Variants in GLS observed in about 807,000 individuals in gnomAD.
GLS encodes the protein glutaminase kidney isoform, mitochondrial.
GLS carries 36 observed loss-of-function variants against 86.7 expected under a neutral mutation model. The ratio of observed to expected loss-of-function variants is 0.42; its 90% CI spans 0.32 to 0.55. The LOEUF (loss-of-function observed/expected upper bound fraction) is 0.55, where lower values mean the gene tolerates loss of function less well. GLS is among the 20% of genes least tolerant of loss of function. The pLI, the probability that GLS is intolerant of heterozygous loss-of-function variation, is 0.17. For missense variants in GLS, 528 were observed against 833.4 expected (o/e 0.63, Z 4.51); for synonymous variants, 317 against 305.9 (o/e 1.04, Z -0.38).
intron 7 of GLS, among the ~76,000 whole-genome samples, chr2:190,912,732 G>A (rs1558977618): frequency 6.6e-6 from 1 of 152,106 alleles, no homozygotes; most frequent in Admixed American, 6.6e-5. Context: ...CATATTTAAC[G>A]TAGGTGTTTG....
chr2:190,925,750 A>G (rs1253618089), intron 11 of GLS, among the ~76,000 whole-genome samples: 1 of 152,144 alleles, frequency 6.6e-6, no homozygotes, highest in African/African-American at 2.4e-5. Context: ...AATGTGAAAA[A>G]CCGTAAATTG....
rs1467241644 is a variant in GLS, at chr2:190,897,359, A to G, written c.605+1634A>G. ...TGTTGTTATGTTTAAATATGAAATT[A>G]AAAACAATTTAAATCCTCTGATTAT... On this transcript the variant is annotated intron_variant, in intron 3 of 17. Transcript: ENST00000320717. The surrounding 1 kb of genome is among the most constrained non-coding windows in gnomAD (Gnocchi z 4.3). Among the ~76,000 whole-genome samples the G allele has an allele frequency of 2.0e-5, 3 of 152,238 alleles. No homozygotes were observed. The highest frequency in any genetic ancestry group is 1.3e-4 in the Admixed American group (2 of 15,282).
In GLS at chr2:190,947,681, T is replaced by G. The variant is rs1341350092; in HGVS notation, c.1651-5884T>G. Among the ~76,000 whole-genome samples the G allele has an allele frequency of 2.0e-5, 3 of 152,246 alleles. No homozygotes were observed. On this transcript the variant is annotated intron_variant, in intron 14 of 17. Transcript: ENST00000320717. The surrounding 1 kb of genome is among the most constrained non-coding windows in gnomAD (Gnocchi z 5.0). ...TCTGGCATTTACTGTTAACCCATTA[T>G]TTTCTGGACTTTGGCCTCCTTGACA...
At position 190,956,085 on chromosome 2, in the gene GLS, G is replaced by A. The variant is rs1426045485; in HGVS notation, c.1853+1267G>A. Among the ~76,000 whole-genome samples the A allele has an allele frequency of 6.6e-6, 1 of 152,190 alleles. No homozygotes were observed. The highest frequency in any genetic ancestry group is 2.1e-4 in the South Asian group (1 of 4,830). ...ATTCTGTAGGTTGCCTGTTCGCCCTGATGATAGTTTCTTTTGCTGTGCAGA... is the reference window on the plus strand; with the variant it reads ...ATTCTGTAGGTTGCCTGTTCGCCCTAATGATAGTTTCTTTTGCTGTGCAGA... On this transcript the variant is annotated intron_variant, in intron 17 of 17. Coordinates refer to ENST00000320717, the MANE Select transcript of GLS (RefSeq NM_014905.5). This position sits in a 1 kb window ranked among gnomAD's most constrained non-coding sequence, Gnocchi z 4.2.
Position 190,938,039 on chromosome 2 carries a change from C to A in GLS, c.1650+6402C>A, listed in dbSNP as rs1330403513. Among the ~76,000 whole-genome samples, 26 of 151,198 alleles carry A rather than the reference C, an allele frequency of 1.7e-4. No individual in the cohort carries two copies. Among genetic ancestry groups the A allele is most frequent in the Non-Finnish European group, 7.4e-5 (5 of 67,368 alleles). On this transcript the variant is annotated intron_variant, in intron 14 of 17. Coordinates refer to ENST00000320717, the MANE Select transcript of GLS (RefSeq NM_014905.5). The surrounding 1 kb of genome is among the most constrained non-coding windows in gnomAD (Gnocchi z 4.1). ...TTACTATACATTTAACTCTAAATCTCATTTACTAATTATGGAATTTTTTTA... is the reference window on the plus strand; with the variant it reads ...TTACTATACATTTAACTCTAAATCTAATTTACTAATTATGGAATTTTTTTA...
At position 190,954,964 on chromosome 2, in the gene GLS, G is replaced by T. The variant is rs1016587865; in HGVS notation, c.1853+146G>T. 1.6e-6 allele frequency: 1 copy of T among 607,250 alleles called. No individual in the cohort carries two copies. 37.6% of individuals were successfully genotyped at this position (607,250 alleles called of 1,614,324 possible). A position where few individuals can be genotyped will look rare whatever the true frequency, so the allele number is the denominator to read the frequency against. On this transcript the variant is annotated intron_variant, in intron 17 of 17. Coordinates refer to ENST00000320717, the MANE Select transcript of GLS (RefSeq NM_014905.5). The surrounding 1 kb of genome is among the most constrained non-coding windows in gnomAD (Gnocchi z 4.0). ...AAGGCAATAAACCTTGTTTCTACTA[G>T]ATAGGTAATTCTGTCTCCCATATCC...
In GLS at chr2:190,881,537, C is replaced by G. The variant is rs1173210552; in HGVS notation, c.386+67C>G. 6 of 1,410,908 alleles carry G rather than the reference C, an allele frequency of 4.3e-6. No homozygotes were observed. The East Asian group carries it at 1.7e-4, about 39-fold the overall frequency. The allele number at this position is 1,410,908 out of a possible 1,614,324, so 87.4% of individuals were successfully genotyped here. A position where few individuals can be genotyped will look rare whatever the true frequency, so the allele number is the denominator to read the frequency against. On this transcript the variant is annotated intron_variant, in intron 1 of 17. Transcript: ENST00000320717. ...GGGCCCGGGCTCAGGCTGTGTGGGG[C>G]CCTGCGGTGGGGCGGGATAGGAGCC...
chr2:190,905,203 T>C lies in GLS; in HGVS notation c.979+36T>C. On this transcript the variant is annotated intron_variant, in intron 6 of 17. Coordinates refer to ENST00000320717, the MANE Select transcript of GLS (RefSeq NM_014905.5). The surrounding 1 kb of genome is among the most constrained non-coding windows in gnomAD (Gnocchi z 4.6). ...CATAAACATTGGTTGAAAAAAGAAA[T>C]GTCTCATTTTCCTATGTAAATCTAA... is the stretch of plus-strand genomic sequence containing the variant. The C allele has an allele frequency of 7.9e-7, 1 of 1,269,102 alleles. No homozygotes were observed. Among genetic ancestry groups the C allele is most frequent in the South Asian group, 1.3e-5 (1 of 77,832 alleles). 78.6% of individuals were successfully genotyped at this position (1,269,102 alleles called of 1,614,324 possible).
At chr2:190,922,274 A>T (rs1689761074) in intron 9 of GLS, among the ~76,000 whole-genome samples, 1 of 152,134 alleles carries the variant, frequency 6.6e-6, no homozygotes, top group Non-Finnish European at 1.5e-5. Context: ...AAACACTATA[A>T]TGTTAAACGT....
At position 190,964,686 on chromosome 2, in the gene GLS, C is replaced by G. The variant is rs3088307; in HGVS notation, c.*1700C>G. On this transcript the variant is annotated 3_prime_UTR_variant, in exon 18 of 18. Coordinates refer to ENST00000320717, the MANE Select transcript of GLS (RefSeq NM_014905.5). The surrounding 1 kb of genome is among the most constrained non-coding windows in gnomAD (Gnocchi z 5.2). ...GGATGCTGAGTGAGCAGTTTCCTAC[C>G]CCGTGGATCTAGCAAGCCATGGAGA... 0.38 allele frequency: 58,250 copies of G among 152,002 alleles called. 12,172 individuals are homozygous for G. Among genetic ancestry groups the G allele is most frequent in the Non-Finnish European group, 0.47 (31,786 of 67,982 alleles). 9.4% of individuals were successfully genotyped at this position (152,002 alleles called of 1,614,324 possible). A position where few individuals can be genotyped will look rare whatever the true frequency, so the allele number is the denominator to read the frequency against.
chr2:190,955,134 A>T lies in GLS; in HGVS notation c.1853+316A>T, dbSNP rs925954429. ...TTTATCCTCATGGATTTTAAAAAAAAAATTTTTAAATTACACTTTAAGTTC... is the reference window on the plus strand; with the variant it reads ...TTTATCCTCATGGATTTTAAAAAAATAATTTTTAAATTACACTTTAAGTTC... On this transcript the variant is annotated intron_variant, in intron 17 of 17. Transcript: ENST00000320717. This position sits in a 1 kb window ranked among gnomAD's most constrained non-coding sequence, Gnocchi z 5.6. Among the ~76,000 whole-genome samples the T allele has an allele frequency of 1.3e-5, 2 of 151,828 alleles. No individual in the cohort carries two copies. Among genetic ancestry groups the T allele is most frequent in the Non-Finnish European group, 2.9e-5 (2 of 67,964 alleles).
At chr2:190,926,721 G>C (rs1689906013) in intron 11 of GLS, among the ~76,000 whole-genome samples, 1 of 152,142 alleles carries the variant, frequency 6.6e-6, no homozygotes, top group African/African-American at 2.4e-5. Context: ...ATGGTCTAAA[G>C]GATAACATTT....
At position 190,962,155 on chromosome 2, in the gene GLS, T is replaced by C. The variant is rs1691019482; in HGVS notation, c.1854-675T>C. On this transcript the variant is annotated intron_variant, in intron 17 of 17. Transcript: ENST00000320717. This position sits in a 1 kb window ranked among gnomAD's most constrained non-coding sequence, Gnocchi z 4.2. ...CTCTTCATTTCTTCTTATCCTTGAA[T>C]ATTCATCTACATCACTCTAAACAGC... is the stretch of plus-strand genomic sequence containing the variant. Among the ~76,000 whole-genome samples the C allele has an allele frequency of 1.3e-5, 2 of 152,188 alleles. No homozygotes were observed. The highest frequency in any genetic ancestry group is 2.9e-5 in the Non-Finnish European group (2 of 68,026).
chr2:190,906,520 CAG>C (rs1465680833), intron 6 of GLS, among the ~76,000 whole-genome samples: 1 of 152,034 alleles, frequency 6.6e-6, no homozygotes, highest in Non-Finnish European at 1.5e-5. Flanking sequence ...AATGACAAAT[CAG>C]AGATTTAGAA....
rs1366825220 is a variant in GLS, at chr2:190,905,680, G to A, written c.979+513G>A. Reference sequence around the variant, plus strand: ...AAAAAATTTGAAAGAAATGCTTTGTGTTTAATGCTTGGTTAACAAATCTTT... The same window carrying A: ...AAAAAATTTGAAAGAAATGCTTTGTATTTAATGCTTGGTTAACAAATCTTT... On this transcript the variant is annotated intron_variant, in intron 6 of 17. Coordinates refer to ENST00000320717, the MANE Select transcript of GLS (RefSeq NM_014905.5). This position sits in a 1 kb window ranked among gnomAD's most constrained non-coding sequence, Gnocchi z 4.6. 6.6e-6 allele frequency among the ~76,000 whole-genome samples: 1 copy of A among 152,052 alleles called. No individual in the cohort carries two copies. Among genetic ancestry groups the A allele is most frequent in the Non-Finnish European group, 1.5e-5 (1 of 67,946 alleles).
In GLS at chr2:190,943,035, C is replaced by T; in HGVS notation, c.1651-10530C>T. On this transcript the variant is annotated intron_variant, in intron 14 of 17. Transcript: ENST00000320717. This position sits in a 1 kb window ranked among gnomAD's most constrained non-coding sequence, Gnocchi z 4.5. ...AAAGAAAGAAGCTTTACTGGAAACT[C>T]ACCTGACGCTCATTGACCAGACTAA... Among the ~76,000 whole-genome samples the T allele has an allele frequency of 6.6e-6, 1 of 152,166 alleles. No homozygotes were observed. The highest frequency in any genetic ancestry group is 6.5e-5 in the Admixed American group (1 of 15,270).
chr2:190,936,434 T>G (rs1558989294), intron 14 of GLS, among the ~76,000 whole-genome samples: 1 of 151,216 alleles, frequency 6.6e-6, no homozygotes, highest in African/African-American at 2.4e-5. Flanking sequence ...TGATGAGCAG[T>G]TCTTTTCACA....
rs1689717953 is a variant in GLS at position 190,921,065 on chromosome 2, A to G, written c.1071+9A>G. ...CTGAAAAATTTGACTATGTAAGTGC[A>G]ACATGTCATTCAGTTTTCATGCCAC... On this transcript the variant is annotated intron_variant, in intron 8 of 17. Coordinates refer to ENST00000320717, the MANE Select transcript of GLS (RefSeq NM_014905.5). This position sits in a 1 kb window ranked among gnomAD's most constrained non-coding sequence, Gnocchi z 4.2. 2 of 1,585,930 alleles carry G rather than the reference A, an allele frequency of 1.3e-6. No homozygotes were observed. The highest frequency in any genetic ancestry group is 1.7e-6 in the Non-Finnish European group (2 of 1,155,090).
chr2:190,936,556 CT>C (rs1347259155), intron 14 of GLS, among the ~76,000 whole-genome samples: 2 of 150,954 alleles, frequency 1.3e-5, no homozygotes, highest in African/African-American at 4.8e-5. Flanking sequence ...ACATACTTTA[CT>C]TCTTCAATTT....
Sources: gnomAD v4.1 joint callset for allele counts (sites outside exome capture counted in the v4.1 genomes callset) on GRCh38, gnomAD v4.1.1 for gene constraint, Gnocchi (gnomAD v3.1) non-coding constraint, MANE v1.5 for transcripts, NCBI Gene and HGNC (gene_info 2026-07-23, HGNC 2026-07-21) for gene names.